The following RPH3AL variants were observed in gnomAD, a reference collection of about 807,000 sequenced individuals.
RPH3AL encodes rabphilin 3A like (without C2 domains), also known as rab effector Noc2.
Under a neutral mutation model 43.1 loss-of-function variants are expected in RPH3AL, and 38 were observed. The ratio of observed to expected loss-of-function variants is 0.88; its 90% CI spans 0.68 to 1.15. RPH3AL has a LOEUF of 1.15. Ranked by LOEUF, RPH3AL falls within the 50% of genes most tolerant of loss-of-function variation. The pLI is 0.00. For missense variants in RPH3AL, 462 were observed against 423.2 expected (o/e 1.09, Z -0.81); for synonymous variants, 189 against 176.3 (o/e 1.07, Z -0.57).
chr17:232,829 CGTGTGTGT>C (rs71143481), intron 7 of RPH3AL, among the ~76,000 whole-genome samples: 6,142 of 119,216 alleles, frequency 0.052, 235 homozygotes, highest in Middle Eastern at 0.081. Flanking sequence ...TCCTTTCCGG[CGTGTGTGT>C]GTGTGTGTGT....
chr17:317,230 C>T (rs549558315), intron 5 of RPH3AL, among the ~76,000 whole-genome samples: 6 of 150,554 alleles, frequency 4.0e-5, no homozygotes, highest in South Asian at 2.1e-4. Flanking sequence ...CCTGCAGTGC[C>T]TGTGCTCCAC....
intron 1 of RPH3AL, among the ~76,000 whole-genome samples, chr17:343,394 G>A (rs2045167400): frequency 6.6e-6 from 1 of 152,220 alleles, no homozygotes; most frequent in Admixed American, 6.5e-5. Context: ...TGACAAAGCA[G>A]GCGCTCAACC....
In RPH3AL at chr17:232,829, C is replaced by T. The variant is rs200300058; in HGVS notation, c.614-13093G>A. 5.2e-4 allele frequency among the ~76,000 whole-genome samples: 62 copies of T among 119,510 alleles called. 1 individual carries two copies. In the East Asian group the frequency reaches 9.9e-3, roughly 19 times the overall value. The allele number at this position is 119,510 out of a possible 152,430, so 78.4% of individuals were successfully genotyped here. On this transcript the variant is annotated intron_variant, in intron 7 of 9. Transcript: ENST00000331302. ...CTTGTCTCTAAACAGTCCTTTCCGG[C>T]GTGTGTGTGTGTGTGTGTGTGTGTG...
At chr17:228,972 T>G (rs1203389858) in intron 7 of RPH3AL, among the ~76,000 whole-genome samples, 1 of 152,190 alleles carries the variant, frequency 6.6e-6, no homozygotes, top group Non-Finnish European at 1.5e-5. Context: ...TCAACCTCAG[T>G]CTTCCCATCT....
rs369316788 is a variant in RPH3AL, at chr17:247,128, G to A, written c.596C>T (p.Thr199Met). ...GGACTTACCTCTTCCTCGGGCCCACGTGTAGATGCGGCTGGTCTCAGAGCT... is the reference window on the plus strand; with the variant it reads ...GGACTTACCTCTTCCTCGGGCCCACATGTAGATGCGGCTGGTCTCAGAGCT... ...PRSSETSRIY[T>M]WARGRVVSSD... Residue 199 changes from threonine (T) to methionine (M), a missense_variant, in exon 7 of 10, where the codon ACG (threonine) becomes ATG (methionine). Coordinates refer to ENST00000331302, the MANE Select transcript of RPH3AL (RefSeq NM_006987.4). 18 of 1,614,060 alleles carry A rather than the reference G, an allele frequency of 1.1e-5. No individual in the cohort carries two copies. The highest frequency in any genetic ancestry group is 4.0e-5 in the African/African-American group (3 of 74,922).
In RPH3AL at chr17:274,800, G is replaced by T. The variant is rs2042614617; in HGVS notation, c.438+6968C>A. Among the ~76,000 whole-genome samples the T allele has an allele frequency of 6.6e-6, 1 of 152,206 alleles. No homozygotes were observed. Among genetic ancestry groups the T allele is most frequent in the Non-Finnish European group, 1.5e-5 (1 of 68,044 alleles). On this transcript the variant is annotated intron_variant, in intron 6 of 9. Transcript: ENST00000331302. This position sits in a 1 kb window ranked among gnomAD's most constrained non-coding sequence, Gnocchi z 4.7. Reference sequence around the variant, plus strand: ...GAGGGGAAAACCTCCAAAGTGTTTAGTGCAGGTGAATGTGGCATGCTAGGG... The same window carrying T: ...GAGGGGAAAACCTCCAAAGTGTTTATTGCAGGTGAATGTGGCATGCTAGGG...
chr17:325,624 C>T (rs1057006009), intron 3 of RPH3AL, among the ~76,000 whole-genome samples: 9 of 152,188 alleles, frequency 5.9e-5, no homozygotes, highest in Admixed American at 3.3e-4. Context: ...CCTTCACCCA[C>T]GTCCCCACCG....
chr17:233,352 A>T (rs1162527332), intron 7 of RPH3AL, among the ~76,000 whole-genome samples: 2 of 152,098 alleles, frequency 1.3e-5, no homozygotes, highest in South Asian at 2.1e-4. Context: ...CATTCTACTC[A>T]TGGGGAAACC....
intron 5 of RPH3AL, among the ~76,000 whole-genome samples, chr17:292,988 T>G (rs1255736490): frequency 6.6e-6 from 1 of 152,196 alleles, no homozygotes. Flanking sequence ...CAAGTCTCCC[T>G]GGACTTCCCA....
intron 9 of RPH3AL, among the ~76,000 whole-genome samples, chr17:214,928 C>T (rs1008857354): frequency 1.3e-5 from 2 of 152,128 alleles, no homozygotes; most frequent in Non-Finnish European, 2.9e-5. Context: ...GGGCAGGGTC[C>T]ACTCCACAGC....
chr17:302,683 G>A (rs1307096209), intron 5 of RPH3AL, among the ~76,000 whole-genome samples: 1 of 152,236 alleles, frequency 6.6e-6, no homozygotes, highest in African/African-American at 2.4e-5. Context: ...CTGCCCAGCA[G>A]GTGTGTGAGC....
At chr17:217,349 A>G (rs80260709) in intron 8 of RPH3AL, among the ~76,000 whole-genome samples, 39 of 54,758 alleles carry the variant, frequency 7.1e-4, no homozygotes, top group Non-Finnish European at 1.1e-3. Context: ...CTTCTTCTGC[A>G]TTAAAATTGG....
intron 5 of RPH3AL, among the ~76,000 whole-genome samples, chr17:301,019 C>T (rs2043315826): frequency 6.6e-6 from 1 of 152,280 alleles, no homozygotes; most frequent in African/African-American, 2.4e-5. Flanking sequence ...ACGTATCCAA[C>T]TATTGTCTAG....
At chr17:281,641 A>G (rs1288758447) in intron 6 of RPH3AL, 127 bp downstream of exon 6, 2 of 710,308 alleles carry the variant, frequency 2.8e-6, no homozygotes, top group Admixed American at 2.3e-5. Flanking sequence ...CTGTCCACCC[A>G]TCCCCATCTG....
rs997388664 is a variant in RPH3AL, at chr17:264,847, C to T, written c.438+16921G>A. On this transcript the variant is annotated intron_variant, in intron 6 of 9. Coordinates refer to ENST00000331302, the MANE Select transcript of RPH3AL (RefSeq NM_006987.4). This position sits in a 1 kb window ranked among gnomAD's most constrained non-coding sequence, Gnocchi z 4.8. Reference sequence around the variant, plus strand: ...ATAAACATCTCAAGAATGGGGAACTCGTGGTACCTGAAAATTCACAGTGGT... The same window carrying T: ...ATAAACATCTCAAGAATGGGGAACTTGTGGTACCTGAAAATTCACAGTGGT... Among the ~76,000 whole-genome samples, 2 of 152,128 alleles carry T rather than the reference C, an allele frequency of 1.3e-5. No individual in the cohort carries two copies. The highest frequency in any genetic ancestry group is 2.9e-5 in the Non-Finnish European group (2 of 68,038).
Position 213,903 on chromosome 17 carries a change from T to C in RPH3AL, c.897A>G (p.Arg299=), listed in dbSNP as rs1232374845. The C allele has an allele frequency of 6.2e-7, 1 of 1,613,484 alleles. No individual in the cohort carries two copies. Among genetic ancestry groups the C allele is most frequent in the Non-Finnish European group, 8.5e-7 (1 of 1,179,920 alleles). ...RRAPVKDTPG[R]APAADAAPAG... is the part of the protein sequence containing the mutation. ...CTGGAGCTGCGTCAGCAGCGGGGGC[T>C]CGTCCAGGTGTGTCTTTTACCTTTG... The change falls in exon 10 of 10, where the codon CGA becomes CGG. Residue 299 remains arginine (R), a synonymous_variant. Coordinates refer to ENST00000331302, the MANE Select transcript of RPH3AL (RefSeq NM_006987.4).
chr17:256,062 G>T (rs868951782), intron 6 of RPH3AL, among the ~76,000 whole-genome samples: 1 of 37,302 alleles, frequency 2.7e-5, no homozygotes, highest in Admixed American at 3.3e-4. Flanking sequence ...GCCGCACGGC[G>T]TCTGTCCTTT....
At chr17:315,875 T>A (rs1555519922) in intron 5 of RPH3AL, among the ~76,000 whole-genome samples, 1 of 144,284 alleles carries the variant, frequency 6.9e-6, no homozygotes, top group Admixed American at 6.9e-5. Flanking sequence ...TGCCCCCACC[T>A]CCATTGACCT....
intron 7 of RPH3AL, among the ~76,000 whole-genome samples, chr17:232,445 CACAG>C (rs904145437): frequency 8.5e-5 from 13 of 152,304 alleles, no homozygotes; most frequent in African/African-American, 3.1e-4. Context: ...CTTTTACCTG[CACAG>C]ACAGACAGGC....
Sources: gnomAD v4.1 joint callset for allele counts (sites outside exome capture counted in the v4.1 genomes callset) on GRCh38, gnomAD v4.1.1 for gene constraint, Gnocchi (gnomAD v3.1) non-coding constraint, MANE v1.5 for transcripts, NCBI Gene and HGNC (gene_info 2026-07-23, HGNC 2026-07-21) for gene names.